The following MAP3K13 variants were observed in gnomAD, a reference collection of about 807,000 sequenced individuals.
MAP3K13 encodes the protein mitogen-activated protein kinase kinase kinase 13, also known as leucine zipper-bearing kinase.
A neutral mutation model predicts 104.0 loss-of-function variants in MAP3K13; 52 were observed. The ratio of observed to expected loss-of-function variants is 0.50; its 90% CI spans 0.40 to 0.63. The LOEUF (loss-of-function observed/expected upper bound fraction) is 0.63. Ranked by LOEUF, MAP3K13 falls within the 20% of genes least tolerant of loss-of-function variation. The probability of loss-of-function intolerance (pLI) is 0.00; values close to 1 mark genes in which losing one functional copy is unlikely to be tolerated. For synonymous variants in MAP3K13, 394 were observed against 442.2 expected (o/e 0.89, Z 1.37); for missense variants, 914 against 1,218.5 (o/e 0.75, Z 3.72).
chr3:185,346,221 ACTTTT>A (rs1722917584), intron 2 of MAP3K13, among the ~76,000 whole-genome samples: 1 of 152,204 alleles, frequency 6.6e-6, no homozygotes, highest in Non-Finnish European at 1.5e-5. Flanking sequence ...ATAGCAGTGA[ACTTTT>A]CTTATCTTAT....
intron 11 of MAP3K13, 90 bp from the exon 12 acceptor site, chr3:185,477,236 T>C: frequency 1.2e-6 from 1 of 821,164 alleles, no homozygotes; most frequent in South Asian, 1.4e-5. Flanking sequence ...CTTTTGATGA[T>C]AATTACATTT....
intron 7 of MAP3K13, among the ~76,000 whole-genome samples, chr3:185,462,658 A>C (rs1209323724): frequency 6.6e-6 from 1 of 152,162 alleles, no homozygotes; most frequent in East Asian, 1.9e-4. Context: ...CTGTAATCCC[A>C]GCTACTCAGG....
chr3:185,456,711 C>G (rs1716774691), intron 7 of MAP3K13, among the ~76,000 whole-genome samples: 1 of 148,706 alleles, frequency 6.7e-6, no homozygotes, highest in Non-Finnish European at 1.5e-5. Context: ...AAGCAATTCT[C>G]CTGTCTCAGC....
intron 2 of MAP3K13, among the ~76,000 whole-genome samples, 191 bp from the exon 3 acceptor site, chr3:185,437,256 A>C (rs532479378): frequency 1.3e-5 from 2 of 152,222 alleles, no homozygotes; most frequent in East Asian, 1.9e-4. Context: ...GTGATTTAAA[A>C]ATTGATACAA....
chr3:185,438,094 A>T (rs1313521043), intron 3 of MAP3K13, among the ~76,000 whole-genome samples: 2 of 152,168 alleles, frequency 1.3e-5, no homozygotes, highest in African/African-American at 4.8e-5. Flanking sequence ...GGAGTTTGAG[A>T]CCAGCCTGGG....
chr3:185,291,296 C>A (rs975319651), intron 2 of MAP3K13, among the ~76,000 whole-genome samples: 3 of 152,122 alleles, frequency 2.0e-5, no homozygotes, highest in Admixed American at 2.0e-4. Context: ...CAAAGACATA[C>A]AATAAATTAT....
At chr3:185,288,886 G>C (rs1161426648) in intron 2 of MAP3K13, among the ~76,000 whole-genome samples, 2 of 152,166 alleles carry the variant, frequency 1.3e-5, no homozygotes, top group Admixed American at 6.5e-5. Context: ...TAGAACATAA[G>C]TCTTTCCTAG....
chr3:185,381,934 C>T (rs1361518003), intron 1 of MAP3K13, among the ~76,000 whole-genome samples: 1 of 152,176 alleles, frequency 6.6e-6, no homozygotes, highest in Non-Finnish European at 1.5e-5. Context: ...GTTCAGTGCT[C>T]ACTGAGGCTT....
chr3:185,308,661 G>T (rs1385135969), intron 2 of MAP3K13, among the ~76,000 whole-genome samples: 1 of 152,160 alleles, frequency 6.6e-6, no homozygotes, highest in Non-Finnish European at 1.5e-5. Context: ...TTCTGGTTCT[G>T]TCAGTGTTCC....
intron 10 of MAP3K13, among the ~76,000 whole-genome samples, chr3:185,467,781 CAAAA>C (rs1170149474): frequency 6.9e-5 from 4 of 58,260 alleles, no homozygotes; most frequent in East Asian, 5.6e-4. Flanking sequence ...GACTCTGTCT[CAAAA>C]AAAAAAAAAA....
intron 1 of MAP3K13, among the ~76,000 whole-genome samples, chr3:185,284,172 T>G (rs1448111252): frequency 1.3e-5 from 2 of 152,128 alleles, no homozygotes; most frequent in Non-Finnish European, 2.9e-5. Context: ...TTCCTTATCT[T>G]ATAAGTAAGT....
chr3:185,357,658 G>A (rs1227655595), intron 2 of MAP3K13, among the ~76,000 whole-genome samples: 1 of 152,050 alleles, frequency 6.6e-6, no homozygotes, highest in Non-Finnish European at 1.5e-5. Flanking sequence ...GGTGTATTTT[G>A]GGGATGGTAA....
intron 2 of MAP3K13, among the ~76,000 whole-genome samples, chr3:185,335,828 T>TG (rs761199114): frequency 2.0e-5 from 3 of 152,156 alleles, no homozygotes; most frequent in Non-Finnish European, 2.9e-5. Flanking sequence ...TTACAGATAG[T>TG]GAGGAGGATA....
chr3:185,458,804 G>A (rs574570499), intron 7 of MAP3K13, among the ~76,000 whole-genome samples: 8 of 152,258 alleles, frequency 5.3e-5, no homozygotes, highest in African/African-American at 1.7e-4. Flanking sequence ...GAGAAAACGC[G>A]GCATTTGTTT....
At chr3:185,296,235 C>A in intron 2 of MAP3K13, among the ~76,000 whole-genome samples, 1 of 152,174 alleles carries the variant, frequency 6.6e-6, no homozygotes, top group African/African-American at 2.4e-5. Context: ...CAGAGCAAGA[C>A]CCTGTCTCAA....
At chr3:185,439,266 A>G (rs1057376857) in intron 3 of MAP3K13, among the ~76,000 whole-genome samples, 1 of 152,174 alleles carries the variant, frequency 6.6e-6, no homozygotes, top group Non-Finnish European at 1.5e-5. Context: ...TGCAGAGGGC[A>G]TGGGAGAAAG....
intron 3 of MAP3K13, among the ~76,000 whole-genome samples, chr3:185,442,685 T>C (rs1231940862): frequency 6.6e-6 from 1 of 151,698 alleles, no homozygotes; most frequent in Admixed American, 6.6e-5. Context: ...AGGCATGCAC[T>C]ACTATGCCCA....
intron 1 of MAP3K13, among the ~76,000 whole-genome samples, chr3:185,377,228 G>A (rs1033866732): frequency 1.3e-5 from 2 of 152,230 alleles, no homozygotes; most frequent in African/African-American, 4.8e-5. Context: ...AAAAGGCCAT[G>A]CTGTAACAGG....
intron 2 of MAP3K13, among the ~76,000 whole-genome samples, chr3:185,435,936 C>T (rs1313310834): frequency 1.3e-5 from 2 of 152,146 alleles, no homozygotes; most frequent in Middle Eastern, 3.2e-3. Flanking sequence ...GTTCCATGTT[C>T]TGCAAACACT....
Sources: gnomAD v4.1 joint callset for allele counts (sites outside exome capture counted in the v4.1 genomes callset) on GRCh38, gnomAD v4.1.1 for gene constraint, MANE v1.5 for transcripts, NCBI Gene and HGNC (gene_info 2026-07-23, HGNC 2026-07-21) for gene names.